The following TNFSF4 variants were observed in gnomAD, a reference collection of about 807,000 sequenced individuals.
TNFSF4 encodes tumor necrosis factor ligand superfamily member 4.
TNFSF4 carries 4 observed loss-of-function variants against 7.3 expected under a neutral mutation model. That is an observed-to-expected ratio of 0.55 (90% confidence interval 0.27 to 1.25). The LOEUF is 1.25. TNFSF4 is among the 50% of genes most tolerant of loss of function. TNFSF4 has a pLI of 0.12. For synonymous variants in TNFSF4, 76 were observed against 83.7 expected (o/e 0.91, Z 0.50); for missense variants, 181 against 208.8 (o/e 0.87, Z 0.82).
chr1:173,403,130 G>C, the TNFSF4 span, among the ~76,000 whole-genome samples: 1 of 152,172 alleles, frequency 6.6e-6, no homozygotes, highest in Non-Finnish European at 1.5e-5. Flanking sequence ...AGGATTACAG[G>C]CATGAGCCAC....
At chr1:173,443,518 C>T in the TNFSF4 span, among the ~76,000 whole-genome samples, 1 of 151,878 alleles carries the variant, frequency 6.6e-6, no homozygotes, top group African/African-American at 2.4e-5. Context: ...AAATATTATA[C>T]AATAGTAGAT....
the TNFSF4 span, among the ~76,000 whole-genome samples, chr1:173,273,143 A>G: frequency 6.6e-6 from 1 of 152,152 alleles, no homozygotes; most frequent in Non-Finnish European, 1.5e-5. Flanking sequence ...TTCATATTCA[A>G]TATCATCTTG....
the TNFSF4 span, among the ~76,000 whole-genome samples, chr1:173,332,042 A>T: frequency 6.6e-6 from 1 of 152,128 alleles, no homozygotes; most frequent in Non-Finnish European, 1.5e-5. Flanking sequence ...ACAACAAAAA[A>T]ATTACCCAGC....
At chr1:173,176,789 G>C in the TNFSF4 span, among the ~76,000 whole-genome samples, 2 of 152,150 alleles carry the variant, frequency 1.3e-5, no homozygotes, top group African/African-American at 4.8e-5. Context: ...CTACTACACA[G>C]CCATAAAAAG....
At chr1:173,176,895 A>G in the TNFSF4 span, among the ~76,000 whole-genome samples, 4 of 152,208 alleles carry the variant, frequency 2.6e-5, no homozygotes, top group Non-Finnish European at 5.9e-5. Flanking sequence ...ACCACATGTT[A>G]TCACTTATAA....
chr1:173,194,163 G>A (rs1310615544), intron 1 of TNFSF4, among the ~76,000 whole-genome samples: 7 of 152,166 alleles, frequency 4.6e-5, no homozygotes, highest in Non-Finnish European at 1.0e-4. Flanking sequence ...TCCAAAAGCT[G>A]GTGCTCAAGA....
At chr1:173,213,914 G>C in the TNFSF4 span, among the ~76,000 whole-genome samples, 1 of 152,098 alleles carries the variant, frequency 6.6e-6, no homozygotes, top group East Asian at 1.9e-4. Context: ...TGTTTATCTG[G>C]ATTGGGGGTA....
At chr1:173,376,886 T>C in the TNFSF4 span, among the ~76,000 whole-genome samples, 105,756 of 152,010 alleles carry the variant, frequency 0.7, 36,999 homozygotes, top group African/African-American at 0.77. Flanking sequence ...TGTGGCTTCA[T>C]TCCTGAAGTC....
the TNFSF4 span, among the ~76,000 whole-genome samples, chr1:173,228,078 T>C: frequency 6.6e-6 from 1 of 151,474 alleles, no homozygotes; most frequent in African/African-American, 2.4e-5. Context: ...TGAAGAGGAG[T>C]AGTGGTTGTT....
the TNFSF4 span, among the ~76,000 whole-genome samples, chr1:173,287,223 T>C: frequency 1.3e-5 from 2 of 152,140 alleles, no homozygotes; most frequent in African/African-American, 4.8e-5. Flanking sequence ...TAGTCCCAGC[T>C]ACTTGGGAGG....
the TNFSF4 span, among the ~76,000 whole-genome samples, chr1:173,323,584 G>C: frequency 6.6e-6 from 1 of 152,104 alleles, no homozygotes; most frequent in Non-Finnish European, 1.5e-5. Flanking sequence ...GAGGAAGTTC[G>C]AACCAATGGC....
chr1:173,444,751 G>A, the TNFSF4 span, among the ~76,000 whole-genome samples: 1 of 152,144 alleles, frequency 6.6e-6, no homozygotes, highest in African/African-American at 2.4e-5. Flanking sequence ...AGGGGTGGGA[G>A]AAGAGAAGAA....
the TNFSF4 span, chr1:173,363,306 T>C: frequency 3.5e-6 from 1 of 287,542 alleles, no homozygotes; most frequent in Admixed American, 4.5e-5. Flanking sequence ...TTCACATGTA[T>C]TCCAATTGTT....
the TNFSF4 span, among the ~76,000 whole-genome samples, chr1:173,223,806 G>T: frequency 6.6e-6 from 1 of 152,120 alleles, no homozygotes; most frequent in East Asian, 1.9e-4. Context: ...ACTCTATCAC[G>T]CCTCGTATCT....
At chr1:173,259,205 C>G in the TNFSF4 span, among the ~76,000 whole-genome samples, 2 of 152,060 alleles carry the variant, frequency 1.3e-5, no homozygotes, top group Non-Finnish European at 2.9e-5. Flanking sequence ...GCAGGAGGGA[C>G]CCAGGTGAAT....
At chr1:173,253,937 G>T in the TNFSF4 span, among the ~76,000 whole-genome samples, 6 of 152,162 alleles carry the variant, frequency 3.9e-5, no homozygotes, top group Non-Finnish European at 8.8e-5. Flanking sequence ...GACATTCCAG[G>T]ACAGTTACAG....
At chr1:173,294,539 C>T in the TNFSF4 span, among the ~76,000 whole-genome samples, 2 of 151,886 alleles carry the variant, frequency 1.3e-5, no homozygotes, top group Non-Finnish European at 2.9e-5. Context: ...CCCCAAACCT[C>T]CACAACATAT....
At chr1:173,387,325 A>G in the TNFSF4 span, among the ~76,000 whole-genome samples, 1 of 152,118 alleles carries the variant, frequency 6.6e-6, no homozygotes, top group African/African-American at 2.4e-5. Context: ...TGGGACTAAT[A>G]CTTCATAAAA....
chr1:173,257,216 A>G, the TNFSF4 span, among the ~76,000 whole-genome samples: 3 of 152,252 alleles, frequency 2.0e-5, no homozygotes, highest in African/African-American at 7.2e-5. Flanking sequence ...TCCATATTGT[A>G]TGATGCGGAT....
Sources: allele counts gnomAD v4.1 joint callset (sites outside exome capture counted in the v4.1 genomes callset), GRCh38; gene constraint gnomAD v4.1.1; transcripts MANE v1.5; gene names NCBI Gene and HGNC (gene_info 2026-07-23, HGNC 2026-07-21).